The following RAB3GAP1 variants were observed in gnomAD, a reference collection of about 807,000 sequenced individuals.
RAB3GAP1 encodes rab3 GTPase-activating protein catalytic subunit.
A neutral mutation model predicts 130.7 loss-of-function variants in RAB3GAP1; 86 were observed. The ratio of observed to expected loss-of-function variants is 0.66; its 90% confidence interval spans 0.55 to 0.79. RAB3GAP1 has a LOEUF of 0.79. Among genes scored for constraint, RAB3GAP1 ranks in the 30% least tolerant of loss-of-function variants. The pLI is 0.00. For synonymous variants in RAB3GAP1, 367 were observed against 401.7 expected (o/e 0.91, Z 1.03); for missense variants, 1,029 against 1,169.4 (o/e 0.88, Z 1.75).
At chr2:135,115,672 A>G (rs772213611) in intron 7 of RAB3GAP1, among the ~76,000 whole-genome samples, 5 of 152,146 alleles carry the variant, frequency 3.3e-5, no homozygotes, top group Non-Finnish European at 7.3e-5. Flanking sequence ...CTCTATTGGT[A>G]ATATTGCCAG....
chr2:135,175,101 C>A (rs1692972272), downstream of RAB3GAP1, among the ~76,000 whole-genome samples: 1 of 152,230 alleles, frequency 6.6e-6, no homozygotes, highest in African/African-American at 2.4e-5. Context: ...AAGTAGGAGG[C>A]TGAAATCCCC....
chr2:135,152,333 T>G (rs1433488718), intron 18 of RAB3GAP1, among the ~76,000 whole-genome samples: 1 of 152,250 alleles, frequency 6.6e-6, no homozygotes, highest in African/African-American at 2.4e-5. Flanking sequence ...CAAGTGAACC[T>G]TGGCCTTCTC....
chr2:135,115,469 C>A, intron 7 of RAB3GAP1, 88 bp downstream of exon 7: 2 of 1,310,342 alleles, frequency 1.5e-6, no homozygotes, highest in South Asian at 1.4e-5. Context: ...AGAAACATTT[C>A]TCTATAATAT....
chr2:135,121,228 G>GTT (rs1347002474), intron 8 of RAB3GAP1, among the ~76,000 whole-genome samples: 2 of 152,108 alleles, frequency 1.3e-5, no homozygotes, highest in Non-Finnish European at 2.9e-5. Context: ...TAACATGTCT[G>GTT]TTTTTAGACT....
chr2:135,057,852 T>C (rs1689057657), intron 2 of RAB3GAP1, among the ~76,000 whole-genome samples, 159 bp from the exon 3 acceptor site: 1 of 152,240 alleles, frequency 6.6e-6, no homozygotes, highest in South Asian at 2.1e-4. Context: ...AGATTATTTC[T>C]CTTACCCCAT....
chr2:135,147,783 T>C (rs1692045576), intron 17 of RAB3GAP1, among the ~76,000 whole-genome samples: 1 of 152,098 alleles, frequency 6.6e-6, no homozygotes, highest in Non-Finnish European at 1.5e-5. Flanking sequence ...CAGCTACTTA[T>C]TTAATTTTTT....
intron 17 of RAB3GAP1, among the ~76,000 whole-genome samples, chr2:135,148,668 CTTTTTTTTTTTT>C (rs60407802): frequency 4.4e-5 from 5 of 113,108 alleles, no homozygotes; most frequent in East Asian, 2.6e-4. Flanking sequence ...ATTTTTGTAT[CTTTTTTTTTTTT>C]TTTTTTTTTT....
At chr2:135,068,500 C>T (rs980735020) in intron 3 of RAB3GAP1, among the ~76,000 whole-genome samples, 1 of 149,798 alleles carries the variant, frequency 6.7e-6, no homozygotes, top group African/African-American at 2.4e-5. Context: ...CGCCTGTAAT[C>T]CCATCACTTT....
At chr2:135,095,300 G>A (rs550040933) in intron 5 of RAB3GAP1, among the ~76,000 whole-genome samples, 6 of 152,106 alleles carry the variant, frequency 3.9e-5, no homozygotes, top group African/African-American at 1.2e-4. Context: ...CGCCCGCCTC[G>A]GCCTCCCAAA....
At chr2:135,175,529 C>A (rs1194095989), downstream of RAB3GAP1, 1 of 152,244 alleles carries the variant, frequency 6.6e-6, no homozygotes, top group Non-Finnish European at 1.5e-5. Flanking sequence ...AAGATTTCAT[C>A]TGAGACCTCT....
intron 5 of RAB3GAP1, among the ~76,000 whole-genome samples, chr2:135,104,539 T>G (rs72978346): frequency 1.3e-5 from 2 of 151,908 alleles, no homozygotes; most frequent in African/African-American, 4.8e-5. Flanking sequence ...GGAATCTCAA[T>G]AAATAGAAAC....
At chr2:135,125,886 C>A (rs1194277190) in intron 9 of RAB3GAP1, among the ~76,000 whole-genome samples, 3 of 152,128 alleles carry the variant, frequency 2.0e-5, no homozygotes, top group Non-Finnish European at 4.4e-5. Flanking sequence ...TACTTCTGTG[C>A]TTTTTATGGC....
Position 135,126,570 on chromosome 2 carries a change from G to T in RAB3GAP1, c.900-13G>T, listed in dbSNP as rs755947850. 2.5e-6 allele frequency: 4 copies of T among 1,599,854 alleles called. No individual in the cohort carries two copies. The African/African-American group carries it at 5.4e-5, about 21-fold the overall frequency. ...CATAATTAGGATTTTATATTTATTG[G>T]TTTGCATTTTAGTGATTTGGATCCT... On this transcript the variant is annotated splice_polypyrimidine_tract_variant and intron_variant, in intron 10 of 23. Transcript: ENST00000264158.
rs1553447802 is a variant in RAB3GAP1, at chr2:135,141,228, CT to C, written c.1923+5312del. Among the ~76,000 whole-genome samples the C allele has an allele frequency of 9.7e-3, 1,286 of 132,392 alleles. 5 individuals are homozygous for C. Among genetic ancestry groups the C allele is most frequent in the South Asian group, 0.031 (129 of 4,134 alleles). The allele number at this position is 132,392 out of a possible 152,430, so 86.9% of individuals were successfully genotyped here. A position where few individuals can be genotyped will look rare whatever the true frequency, so the allele number is the denominator to read the frequency against. The stretch of plus-strand genomic sequence containing the variant: ...TTGTTGCTTATCTATTCACTTACTT[CT>C]TTTTTTTTTTTTTTTGAGACAGTCT... On this transcript the variant is annotated intron_variant, in intron 17 of 23. Coordinates refer to ENST00000264158, the MANE Select transcript of RAB3GAP1 (RefSeq NM_012233.3).
At chr2:135,164,810 C>A in intron 23 of RAB3GAP1, 114 bp downstream of exon 23, 2 of 791,038 alleles carry the variant, frequency 2.5e-6, no homozygotes, top group Non-Finnish European at 4.2e-6. Flanking sequence ...GAGTGTAAGT[C>A]TGGGCATTGG....
intron 11 of RAB3GAP1, among the ~76,000 whole-genome samples, chr2:135,127,166 C>T (rs1252849451): frequency 6.6e-6 from 1 of 150,802 alleles, no homozygotes; most frequent in South Asian, 2.1e-4. Context: ...TGAGCCACCG[C>T]GCGGCCTTAA....
chr2:135,095,804 A>T (rs1690277194), intron 5 of RAB3GAP1, among the ~76,000 whole-genome samples: 2 of 152,224 alleles, frequency 1.3e-5, no homozygotes, highest in Admixed American at 1.3e-4. Context: ...TCTACAATGT[A>T]TACACTACCT....
intron 15 of RAB3GAP1, 23 bp downstream of exon 15, chr2:135,134,056 GTT>G: frequency 6.2e-7 from 1 of 1,612,462 alleles, no homozygotes; most frequent in South Asian, 1.1e-5. Context: ...ATTTTCAATT[GTT>G]TGGATACGAT....
intron 3 of RAB3GAP1, among the ~76,000 whole-genome samples, chr2:135,083,779 T>G (rs1022285809): frequency 8.6e-4 from 129 of 150,298 alleles, no homozygotes; most frequent in African/African-American, 2.9e-3. Flanking sequence ...TTTTTTTTTT[T>G]TTTTTTTTTT....
Sources: allele counts gnomAD v4.1 joint callset (sites outside exome capture counted in the v4.1 genomes callset), GRCh38; gene constraint gnomAD v4.1.1; transcripts MANE v1.5; gene names NCBI Gene and HGNC (gene_info 2026-07-23, HGNC 2026-07-21).